Variants in SIPA1L1 observed in about 807,000 individuals in gnomAD.
The protein encoded by SIPA1L1 is signal-induced proliferation-associated 1-like protein 1.
In SIPA1L1, 26 loss-of-function variants were observed where a neutral mutation model predicts 162.7. The ratio of observed to expected loss-of-function variants is 0.16; its 90% confidence interval spans 0.12 to 0.22. SIPA1L1 has a LOEUF of 0.22. Ranked by LOEUF, SIPA1L1 falls within the 10% of genes least tolerant of loss-of-function variation. The probability of loss-of-function intolerance (pLI) is 1.00; values close to 1 mark genes in which losing one functional copy is unlikely to be tolerated. For missense variants in SIPA1L1, 1,874 were observed against 2,241.0 expected (o/e 0.84, Z 3.31); for synonymous variants, 829 against 837.4 (o/e 0.99, Z 0.17).
At chr14:71,627,550 C>G (rs1252095961) in intron 7 of SIPA1L1, among the ~76,000 whole-genome samples, 1 of 152,118 alleles carries the variant, frequency 6.6e-6, no homozygotes, top group East Asian at 1.9e-4. Context: ...ACACTTGATG[C>G]TTTAGAAAAT....
intron 2 of SIPA1L1, among the ~76,000 whole-genome samples, chr14:71,487,202 C>T (rs749654726): frequency 3.3e-5 from 5 of 152,168 alleles, no homozygotes; most frequent in Non-Finnish European, 5.9e-5. Context: ...TTTTCACATG[C>T]GTGCTGTTTT....
chr14:71,562,361 G>A (rs2056865324), intron 4 of SIPA1L1, among the ~76,000 whole-genome samples: 1 of 151,974 alleles, frequency 6.6e-6, no homozygotes, highest in African/African-American at 2.4e-5. Context: ...GAACCCATAA[G>A]AAACTTCATG....
At chr14:71,361,639 A>G (rs1353645075) in intron 2 of SIPA1L1, among the ~76,000 whole-genome samples, 3 of 152,118 alleles carry the variant, frequency 2.0e-5, no homozygotes, top group African/African-American at 7.2e-5. Context: ...GAACTGTATG[A>G]GCCTTTTAGC....
chr14:71,425,637 G>A (rs1037128524), intron 2 of SIPA1L1, among the ~76,000 whole-genome samples: 17 of 152,182 alleles, frequency 1.1e-4, no homozygotes, highest in African/African-American at 3.4e-4. Flanking sequence ...TATATGGCTT[G>A]TCCTGGAAAA....
At chr14:71,519,804 G>A (rs1481056067) in intron 3 of SIPA1L1, among the ~76,000 whole-genome samples, 2 of 151,964 alleles carry the variant, frequency 1.3e-5, no homozygotes, top group East Asian at 3.8e-4. Context: ...CAGCCTGGGT[G>A]ACAGAGTAAG....
chr14:71,544,850 G>T (rs866156288), intron 4 of SIPA1L1, among the ~76,000 whole-genome samples: 1 of 151,892 alleles, frequency 6.6e-6, no homozygotes, highest in Non-Finnish European at 1.5e-5. Context: ...CTTTATAAAG[G>T]CTTCAAATCA....
intron 2 of SIPA1L1, among the ~76,000 whole-genome samples, chr14:71,349,563 G>C (rs1372719358): frequency 6.6e-6 from 1 of 151,966 alleles, no homozygotes; most frequent in Admixed American, 6.5e-5. Flanking sequence ...CCTAGAGAAA[G>C]GAAACTAGAA....
intron 16 of SIPA1L1, among the ~76,000 whole-genome samples, chr14:71,705,546 C>T (rs1366673048): frequency 6.6e-6 from 1 of 152,088 alleles, no homozygotes; most frequent in African/African-American, 2.4e-5. Context: ...CATTGCTGTG[C>T]TTCTGCCACC....
chr14:71,635,028 A>G (rs1046916578), intron 7 of SIPA1L1, among the ~76,000 whole-genome samples: 3 of 152,148 alleles, frequency 2.0e-5, no homozygotes, highest in Non-Finnish European at 4.4e-5. Context: ...CTGTAATCCC[A>G]GCACTTTGAG....
intron 17 of SIPA1L1, among the ~76,000 whole-genome samples, chr14:71,713,854 T>C (rs1376942412): frequency 1.3e-5 from 2 of 152,172 alleles, no homozygotes; most frequent in South Asian, 4.1e-4. Flanking sequence ...AACATTTCCT[T>C]CTCTAAATCT....
intron 2 of SIPA1L1, among the ~76,000 whole-genome samples, chr14:71,347,857 G>A (rs1324905764): frequency 6.6e-6 from 1 of 151,718 alleles, no homozygotes; most frequent in Non-Finnish European, 1.5e-5. Flanking sequence ...TTTTTTTGTT[G>A]AGTTGTAAAT....
intron 13 of SIPA1L1, among the ~76,000 whole-genome samples, chr14:71,688,293 C>T (rs184022213): frequency 3.3e-5 from 5 of 152,204 alleles, no homozygotes; most frequent in South Asian, 2.1e-4. Context: ...TTCAGATATT[C>T]GGATTAGGGA....
rs554705129 is a variant in SIPA1L1, at chr14:71,515,105, G to A, written c.-362+2260G>A. Reference sequence around the variant, plus strand: ...CCTCTTTCCTTCATGCTTATGTTTAGTGAAAAGATCTGTATATTGGCTAAA... The same window carrying A: ...CCTCTTTCCTTCATGCTTATGTTTAATGAAAAGATCTGTATATTGGCTAAA... On this transcript the variant is annotated intron_variant, in intron 3 of 23. Coordinates refer to ENST00000381232, the MANE Select transcript of SIPA1L1 (RefSeq NM_001386936.1). Among the ~76,000 whole-genome samples, 92 of 152,306 alleles carry A rather than the reference G, an allele frequency of 6.0e-4. 1 individual carries two copies. The highest frequency in any genetic ancestry group is 1.1e-3 in the Non-Finnish European group (76 of 68,024).
intron 19 of SIPA1L1, among the ~76,000 whole-genome samples, chr14:71,725,408 C>A (rs2084142972): frequency 6.6e-6 from 1 of 152,202 alleles, no homozygotes; most frequent in Admixed American, 6.5e-5. Flanking sequence ...ACCCACACAC[C>A]TTCAGAACTT....
rs1303276835 is a variant in SIPA1L1 at position 71,587,452 on chromosome 14, G to A, written c.-302-119G>A. On this transcript the variant is annotated intron_variant, in intron 4 of 23. Transcript: ENST00000381232. ...TGCTTTACTAAAAATACGGATTGTG[G>A]AACTGTGAATCCTAATCCATTATTG... 1.0e-5 allele frequency: 4 copies of A among 395,888 alleles called. No individual in the cohort carries two copies. In the Admixed American group the frequency reaches 1.8e-4, roughly 17 times the overall value. 24.5% of individuals were successfully genotyped at this position (395,888 alleles called of 1,614,324 possible). A position where few individuals can be genotyped will look rare whatever the true frequency, so the allele number is the denominator to read the frequency against.
chr14:71,516,773 G>GC, intron 3 of SIPA1L1, among the ~76,000 whole-genome samples: 1 of 151,978 alleles, frequency 6.6e-6, no homozygotes, highest in Non-Finnish European at 1.5e-5. Flanking sequence ...AGGAGTTTGA[G>GC]ACCAGCCTGG....
At chr14:71,569,353 G>A (rs2031471422) in intron 4 of SIPA1L1, among the ~76,000 whole-genome samples, 2 of 152,200 alleles carry the variant, frequency 1.3e-5, no homozygotes, top group Admixed American at 1.3e-4. Flanking sequence ...TAGCTGGGAG[G>A]ATTGCACTAA....
intron 4 of SIPA1L1, chr14:71,586,813 C>T (rs1208825136): frequency 2.0e-5 from 3 of 152,122 alleles, no homozygotes; most frequent in African/African-American, 4.8e-5. Flanking sequence ...TGAGGAAATG[C>T]AGGCATTTTG....
intron 6 of SIPA1L1, among the ~76,000 whole-genome samples, chr14:71,619,613 G>A (rs1254989447): frequency 6.6e-6 from 1 of 151,658 alleles, no homozygotes; most frequent in Non-Finnish European, 1.5e-5. Context: ...TTGTAAACTT[G>A]TATAATTGGG....
Sources: allele counts gnomAD v4.1 joint callset (sites outside exome capture counted in the v4.1 genomes callset), GRCh38; gene constraint gnomAD v4.1.1; transcripts MANE v1.5; gene names NCBI Gene and HGNC (gene_info 2026-07-23, HGNC 2026-07-21).